The following ARHGAP42 variants were observed in gnomAD, a reference collection of about 807,000 sequenced individuals.
ARHGAP42 encodes the protein rho GTPase-activating protein 42.
Under a neutral mutation model 125.0 loss-of-function variants are expected in ARHGAP42, and 63 were observed. That is an observed-to-expected ratio of 0.50 (90% confidence interval 0.41 to 0.62). The LOEUF (loss-of-function observed/expected upper bound fraction) is 0.62, where lower values mean the gene tolerates loss of function less well. Among genes scored for constraint, ARHGAP42 ranks in the 20% least tolerant of loss-of-function variants. The pLI is 0.00. For synonymous variants in ARHGAP42, 339 were observed against 351.0 expected, an observed-to-expected ratio of 0.97 and a Z score of 0.38; for missense variants, 766 against 1,024.2, an observed-to-expected ratio of 0.75 and a Z score of 3.44.
rs530962804 is a variant in ARHGAP42, at chr11:100,989,932, T to C, written c.*1131T>C. 6.6e-6 allele frequency: 1 copy of C among 152,162 alleles called. No homozygotes were observed. Among genetic ancestry groups the C allele is most frequent in the South Asian group, 2.1e-4 (1 of 4,832 alleles). The allele number at this position is 152,162 out of a possible 1,614,324, so 9.4% of individuals were successfully genotyped here. A position where few individuals can be genotyped will look rare whatever the true frequency, so the allele number is the denominator to read the frequency against. On this transcript the variant is annotated 3_prime_UTR_variant, in exon 24 of 24. Transcript: ENST00000298815. The stretch of plus-strand genomic sequence containing the variant: ...TTATTTTGAACCACAGAGGTTGAAA[T>C]TGTTTTGTGATCTTCAGCAGAAATA...
At chr11:100,733,029 A>G (rs533332425) in intron 1 of ARHGAP42, among the ~76,000 whole-genome samples, 1 of 152,334 alleles carries the variant, frequency 6.6e-6, no homozygotes, top group Admixed American at 6.5e-5. Flanking sequence ...GTAAATCACC[A>G]CAAATCCAGT....
At chr11:100,863,084 CAACA>C in intron 4 of ARHGAP42, among the ~76,000 whole-genome samples, 2 of 141,520 alleles carry the variant, frequency 1.4e-5, no homozygotes, top group Admixed American at 7.0e-5. Context: ...ACACACACAA[CAACA>C]AAAAAAAGGC....
intron 1 of ARHGAP42, among the ~76,000 whole-genome samples, chr11:100,744,189 T>G (rs999969238): frequency 6.6e-6 from 1 of 152,240 alleles, no homozygotes; most frequent in Non-Finnish European, 1.5e-5. Flanking sequence ...CAGTCTGGTC[T>G]CGAACTCCTG....
chr11:100,903,103 G>T (rs1170986737), intron 4 of ARHGAP42, among the ~76,000 whole-genome samples: 7 of 91,706 alleles, frequency 7.6e-5, no homozygotes, highest in African/African-American at 2.0e-4. Flanking sequence ...CCTCAATCTT[G>T]CTGTCCAAGA....
At chr11:100,771,364 T>A (rs1208064222) in intron 2 of ARHGAP42, among the ~76,000 whole-genome samples, 3 of 152,116 alleles carry the variant, frequency 2.0e-5, no homozygotes, top group African/African-American at 7.2e-5. Context: ...TTCTTATAAC[T>A]CCCTCCACCC....
intron 1 of ARHGAP42, among the ~76,000 whole-genome samples, chr11:100,725,293 C>A (rs1008969119): frequency 1.3e-5 from 2 of 151,782 alleles, no homozygotes; most frequent in Non-Finnish European, 2.9e-5. Context: ...GCCTCAGCCT[C>A]CCGAGTAGCT....
At chr11:100,762,027 G>A (rs1862712316) in intron 1 of ARHGAP42, among the ~76,000 whole-genome samples, 1 of 152,174 alleles carries the variant, frequency 6.6e-6, no homozygotes, top group Non-Finnish European at 1.5e-5. Flanking sequence ...CGCTTGTGCA[G>A]ACGTAGTCTG....
intron 13 of ARHGAP42, 64 bp downstream of exon 13, chr11:100,960,009 C>T (rs1857912927): frequency 5.8e-6 from 8 of 1,369,438 alleles, no homozygotes; most frequent in Non-Finnish European, 7.1e-6. Context: ...GGAAAACTCT[C>T]AGAGTAGATA....
chr11:100,936,099 A>G, intron 7 of ARHGAP42, 104 bp from the exon 8 acceptor site: 1 of 1,378,996 alleles, frequency 7.3e-7, no homozygotes, highest in South Asian at 1.4e-5. Flanking sequence ...ACAGAGTGAT[A>G]CTCTGTCTCA....
chr11:100,953,742 A>C (rs934050301), intron 12 of ARHGAP42, among the ~76,000 whole-genome samples: 2 of 152,226 alleles, frequency 1.3e-5, no homozygotes, highest in African/African-American at 4.8e-5. Flanking sequence ...CAAATAAGAA[A>C]ATAAAATATT....
At chr11:100,758,573 C>T (rs1049503369) in intron 1 of ARHGAP42, among the ~76,000 whole-genome samples, 7 of 151,984 alleles carry the variant, frequency 4.6e-5, no homozygotes, top group African/African-American at 1.7e-4. Context: ...TTTTTAGGTC[C>T]AGAGAAATAG....
chr11:100,834,610 G>A (rs1487103236), intron 3 of ARHGAP42, among the ~76,000 whole-genome samples: 1 of 152,106 alleles, frequency 6.6e-6, no homozygotes, highest in African/African-American at 2.4e-5. Context: ...GTAATAGTGG[G>A]CATCAGAAGT....
intron 19 of ARHGAP42, among the ~76,000 whole-genome samples, chr11:100,975,478 T>G (rs915708359): frequency 6.6e-6 from 1 of 152,160 alleles, no homozygotes; most frequent in Non-Finnish European, 1.5e-5. Context: ...ACCAGCAAAA[T>G]AGCCAGTTTC....
At chr11:100,948,228 T>C (rs1187955632) in intron 10 of ARHGAP42, among the ~76,000 whole-genome samples, 35 of 152,134 alleles carry the variant, frequency 2.3e-4, no homozygotes, top group Admixed American at 2.3e-3. Flanking sequence ...TTAATGATTT[T>C]ATCACCTGTG....
chr11:100,716,934 A>G (rs1018209332), intron 1 of ARHGAP42, among the ~76,000 whole-genome samples: 1 of 152,152 alleles, frequency 6.6e-6, no homozygotes, highest in Non-Finnish European at 1.5e-5. Flanking sequence ...CAGAGAGGAA[A>G]ATTCCAGGAT....
chr11:100,726,902 A>G (rs957128554), intron 1 of ARHGAP42, among the ~76,000 whole-genome samples: 2 of 152,212 alleles, frequency 1.3e-5, no homozygotes, highest in African/African-American at 2.4e-5. Flanking sequence ...ACCTTGCTCA[A>G]TTTGAAGTCA....
intron 2 of ARHGAP42, among the ~76,000 whole-genome samples, chr11:100,786,770 C>CA (rs1417539440): frequency 2.0e-5 from 3 of 152,150 alleles, no homozygotes; most frequent in Non-Finnish European, 4.4e-5. Flanking sequence ...GCAGTAGTAG[C>CA]AGCCACTTTC....
At chr11:100,918,495 C>T (rs543843410) in intron 5 of ARHGAP42, among the ~76,000 whole-genome samples, 1 of 152,176 alleles carries the variant, frequency 6.6e-6, no homozygotes, top group African/African-American at 2.4e-5. Flanking sequence ...ATTACTAGTG[C>T]TCTCTTTCAG....
intron 17 of ARHGAP42, among the ~76,000 whole-genome samples, chr11:100,968,170 C>T (rs1047044724): frequency 2.6e-5 from 4 of 152,140 alleles, no homozygotes; most frequent in Non-Finnish European, 5.9e-5. Flanking sequence ...TTACTTTCAA[C>T]CTGTTTGTAT....
Sources: allele counts gnomAD v4.1 joint callset (sites outside exome capture counted in the v4.1 genomes callset), GRCh38; gene constraint gnomAD v4.1.1; transcripts MANE v1.5; gene names NCBI Gene and HGNC (gene_info 2026-07-23, HGNC 2026-07-21).